Variants in ESRP1 observed in about 807,000 individuals in gnomAD.
ESRP1 encodes the protein RNA-binding motif protein 35A.
Under a neutral mutation model 81.7 loss-of-function variants are expected in ESRP1, and 33 were observed. The observed-to-expected ratio is 0.40, with a 90% CI of 0.31 to 0.54. The LOEUF (loss-of-function observed/expected upper bound fraction) is 0.54, where lower values mean the gene tolerates loss of function less well. ESRP1 is among the 20% of genes least tolerant of loss of function. The pLI, the probability that ESRP1 is intolerant of heterozygous loss-of-function variation, is 0.41. For synonymous variants in ESRP1, 320 were observed against 303.3 expected, an observed-to-expected ratio of 1.06 and a Z score of -0.57; for missense variants, 672 against 833.1, an observed-to-expected ratio of 0.81 and a Z score of 2.38.
intron 4 of ESRP1, chr8:94,656,198 C>G (rs948587947): frequency 6.8e-6 from 1 of 147,276 alleles, no homozygotes; most frequent in African/African-American, 2.5e-5. Flanking sequence ...CATAGCAGGA[C>G]CCTAGTCTCA....
At chr8:94,678,503 ATCTC>A in intron 13 of ESRP1, 132 bp downstream of exon 13, 3 of 1,028,772 alleles carry the variant, frequency 2.9e-6, no homozygotes, top group Non-Finnish European at 4.1e-6. Context: ...CTCTGGTCAT[ATCTC>A]TGACCAAGAA....
chr8:94,683,701 C>G (rs531547109), intron 13 of ESRP1, among the ~76,000 whole-genome samples: 1 of 152,072 alleles, frequency 6.6e-6, no homozygotes, highest in Non-Finnish European at 1.5e-5. Context: ...CAATATGAAG[C>G]AATATTATAA....
At chr8:94,665,285 C>A in intron 9 of ESRP1, 89 bp downstream of exon 9, 4 of 1,269,386 alleles carry the variant, frequency 3.2e-6, no homozygotes, top group South Asian at 2.6e-5. Context: ...TGAATAGGGT[C>A]ATGAATGGTT....
rs375226227 is a variant in ESRP1 at position 94,668,247 on chromosome 8, G to T, written c.1230G>T (p.Gln410His). The T allele has an allele frequency of 1.2e-5, 19 of 1,573,618 alleles. No homozygotes were observed. In the African/African-American group the frequency reaches 2.6e-4, roughly 21 times the overall value. The change falls in exon 10 of 16, where the codon CAG becomes CAT. Residue 410 changes from glutamine to histidine, a missense_variant. Coordinates refer to ENST00000433389, the MANE Select transcript of ESRP1 (RefSeq NM_017697.4). ...TCAGGAGCACAGCAGCTGAAGTTCA[G>T]CAGGTTGGTTTTAAAAACAAGTATG... ...ELFRSTAAEV[Q>H]QVLNRFSSAP...
intron 15 of ESRP1, among the ~76,000 whole-genome samples, chr8:94,700,937 A>ATGTGTGTGTGTGTGTG (rs1158857032): frequency 8.0e-6 from 1 of 125,740 alleles, no homozygotes; most frequent in African/African-American, 3.7e-5. Flanking sequence ...TCAAAAAAAA[A>ATGTGTGTGTGTGTGTG]TGTGTGTGTG....
chr8:94,683,565 A>T (rs913134642), intron 13 of ESRP1, among the ~76,000 whole-genome samples: 1 of 152,218 alleles, frequency 6.6e-6, no homozygotes. Flanking sequence ...AAGTGTTCTC[A>T]TAGGACCAAG....
At chr8:94,689,381 CTCTAAG>C (rs1256659005) in intron 13 of ESRP1, among the ~76,000 whole-genome samples, 87 of 150,372 alleles carry the variant, frequency 5.8e-4, no homozygotes, top group African/African-American at 2.1e-3. Context: ...TTAAATGTTT[CTCTAAG>C]TCTATTATTT....
chr8:94,641,557 G>T, intron 1 of ESRP1, 107 bp downstream of exon 1: 1 of 1,478,100 alleles, frequency 6.8e-7, no homozygotes. Flanking sequence ...GCTCTTGTTT[G>T]CCCACTTGTG....
At chr8:94,674,256 T>G in intron 11 of ESRP1, 52 bp from the exon 12 acceptor site, 2 of 1,560,584 alleles carry the variant, frequency 1.3e-6, no homozygotes, top group Non-Finnish European at 1.7e-6. Flanking sequence ...AACCATTTCC[T>G]TGTTGAAGGA....
chr8:94,661,561 T>C (rs1818748487), intron 4 of ESRP1, among the ~76,000 whole-genome samples: 2 of 152,190 alleles, frequency 1.3e-5, no homozygotes, highest in Admixed American at 1.3e-4. Context: ...ATCCTTATTT[T>C]AGAGAGATTC....
chr8:94,644,964 A>G (rs1199256145), intron 3 of ESRP1, among the ~76,000 whole-genome samples: 2 of 152,326 alleles, frequency 1.3e-5, no homozygotes, highest in East Asian at 3.9e-4. Context: ...TAAGCCTTTT[A>G]GCCTACATTA....
chr8:94,701,449 T>TA (rs992342901), intron 15 of ESRP1, among the ~76,000 whole-genome samples: 13 of 152,234 alleles, frequency 8.5e-5, no homozygotes, highest in African/African-American at 3.1e-4. Context: ...TCAGTGGAGA[T>TA]ATGCTTCATT....
At chr8:94,666,637 C>T (rs1377551669) in intron 9 of ESRP1, among the ~76,000 whole-genome samples, 1 of 152,176 alleles carries the variant, frequency 6.6e-6, no homozygotes, top group Non-Finnish European at 1.5e-5. Context: ...ACCGGAACAG[C>T]ATCCTATTAA....
At chr8:94,672,630 T>A (rs995296929) in intron 11 of ESRP1, among the ~76,000 whole-genome samples, 5 of 152,008 alleles carry the variant, frequency 3.3e-5, no homozygotes, top group Non-Finnish European at 7.4e-5. Flanking sequence ...CCTCCTGAGT[T>A]CAAGCAATTC....
At position 94,652,239 on chromosome 8, in the gene ESRP1, C is replaced by A. The variant is rs370311379; in HGVS notation, c.490+5957C>A. ...CTGACCTCAGGTGATCTGCCCTCCT[C>A]GGCTTCTCAAAGTGCTGGGATTACA... is the stretch of plus-strand genomic sequence containing the variant. On this transcript the variant is annotated intron_variant, in intron 4 of 15. Coordinates refer to ENST00000433389, the MANE Select transcript of ESRP1 (RefSeq NM_017697.4). Among the ~76,000 whole-genome samples the A allele has an allele frequency of 4.7e-4, 72 of 152,130 alleles. 1 individual carries two copies. The South Asian group carries it at 0.013, about 28-fold the overall frequency.
chr8:94,642,991 T>G (rs982033834), intron 2 of ESRP1, among the ~76,000 whole-genome samples: 7 of 152,370 alleles, frequency 4.6e-5, no homozygotes, highest in African/African-American at 1.7e-4. Flanking sequence ...AATGATGTAA[T>G]CTGCAGGCAA....
At chr8:94,689,811 C>CTTTTTTTTGTTTTTTTTTTTTTT (rs1809304755) in intron 13 of ESRP1, among the ~76,000 whole-genome samples, 1 of 64,680 alleles carries the variant, frequency 1.5e-5, no homozygotes, top group African/African-American at 6.9e-5. Context: ...TGATGCCTGG[C>CTTTTTTTTGTTTTTTTTTTTTTT]TTTTTTTTTT....
At chr8:94,699,327 T>C (rs1303871025) in intron 15 of ESRP1, among the ~76,000 whole-genome samples, 2 of 152,070 alleles carry the variant, frequency 1.3e-5, no homozygotes, top group African/African-American at 4.8e-5. Context: ...TTAATGTGCC[T>C]CTCTATTGCA....
intron 4 of ESRP1, among the ~76,000 whole-genome samples, chr8:94,649,080 G>A (rs1414937487): frequency 6.6e-6 from 1 of 152,132 alleles, no homozygotes; most frequent in Non-Finnish European, 1.5e-5. Context: ...AATTAGCCGG[G>A]CATGATGACG....
Sources: allele counts gnomAD v4.1 joint callset (sites outside exome capture counted in the v4.1 genomes callset), GRCh38; gene constraint gnomAD v4.1.1; transcripts MANE v1.5; gene names NCBI Gene and HGNC (gene_info 2026-07-23, HGNC 2026-07-21).